The following CCDC63 variants were observed in gnomAD, a reference collection of about 807,000 sequenced individuals.
CCDC63 encodes coiled-coil domain-containing protein 63.
CCDC63 carries 54 observed loss-of-function variants against 63.6 expected under a neutral mutation model. The ratio of observed to expected loss-of-function variants is 0.85; its 90% confidence interval spans 0.68 to 1.07. CCDC63 has a LOEUF of 1.07. Among genes scored for constraint, CCDC63 ranks in the 50% least tolerant of loss-of-function variants. CCDC63 has a pLI of 0.00. For synonymous variants in CCDC63, 253 were observed against 266.1 expected (o/e 0.95, Z 0.48); for missense variants, 637 against 689.6 (o/e 0.92, Z 0.86).
chr12:110,884,003 C>A, intron 7 of CCDC63, 27 bp from the exon 8 acceptor site: 1 of 1,578,628 alleles, frequency 6.3e-7, no homozygotes, highest in South Asian at 1.1e-5. Flanking sequence ...TTTTGAGTGT[C>A]ACAGTGGCTG....
chr12:110,900,782 T>A (rs1157886220), intron 10 of CCDC63, among the ~76,000 whole-genome samples: 1 of 152,122 alleles, frequency 6.6e-6, no homozygotes, highest in Non-Finnish European at 1.5e-5. Context: ...GTATTTTTAG[T>A]AGAGATGGGG....
chr12:110,860,823 A>G (rs987484251), intron 4 of CCDC63, among the ~76,000 whole-genome samples: 1 of 152,186 alleles, frequency 6.6e-6, no homozygotes, highest in Non-Finnish European at 1.5e-5. Context: ...TCCTGACCTC[A>G]GGTGATCCAC....
rs754644873 is a variant in CCDC63 at position 110,879,919 on chromosome 12, T to C, written c.503T>C (p.Phe168Ser). 3.1e-6 allele frequency: 5 copies of C among 1,614,146 alleles called. No individual in the cohort carries two copies. The South Asian group carries it at 4.4e-5, about 14-fold the overall frequency. The change falls in exon 6 of 12, where the codon TTT becomes TCT. Residue 168 changes from phenylalanine (F) to serine (S), a missense_variant. By Grantham distance (155) the Phe-to-Ser change is radical. Coordinates refer to ENST00000308208, the MANE Select transcript of CCDC63 (RefSeq NM_152591.3). ...ETRLNLVTVH[F>S]DKMLTTNAKL... ...CCCTTTCAACAGGTCACTGTTCACTTTGACAAGATGCTGACCACTAATGCC... is the reference window on the plus strand; with the variant it reads ...CCCTTTCAACAGGTCACTGTTCACTCTGACAAGATGCTGACCACTAATGCC...
intron 10 of CCDC63, among the ~76,000 whole-genome samples, chr12:110,900,590 A>G (rs1592789243): frequency 6.7e-6 from 1 of 148,418 alleles, no homozygotes; most frequent in Non-Finnish European, 1.5e-5. Context: ...CTTGAATTAA[A>G]CCTCAGATTC....
At chr12:110,859,586 G>A (rs539001588) in intron 4 of CCDC63, among the ~76,000 whole-genome samples, 18 of 152,096 alleles carry the variant, frequency 1.2e-4, no homozygotes, top group African/African-American at 3.4e-4. Flanking sequence ...GATTACGGGC[G>A]TGAGCCACCG....
At chr12:110,894,685 TG>T (rs1488629340) in intron 9 of CCDC63, among the ~76,000 whole-genome samples, 1 of 152,184 alleles carries the variant, frequency 6.6e-6, no homozygotes, top group Non-Finnish European at 1.5e-5. Context: ...GGCAGATGCC[TG>T]GGGCCCACGT....
intron 10 of CCDC63, among the ~76,000 whole-genome samples, chr12:110,899,907 A>G (rs2071465419): frequency 6.6e-6 from 1 of 152,058 alleles, no homozygotes; most frequent in African/African-American, 2.4e-5. Flanking sequence ...GATAAAAGAC[A>G]TCTACAAAAA....
At chr12:110,886,548 G>A (rs73421357) in intron 8 of CCDC63, among the ~76,000 whole-genome samples, 3,897 of 152,286 alleles carry the variant, frequency 0.026, 147 homozygotes, top group African/African-American at 0.087. Flanking sequence ...GGTCAGGGGA[G>A]GGAGGAATGA....
At chr12:110,897,320 G>A (rs1474927790) in intron 9 of CCDC63, among the ~76,000 whole-genome samples, 1 of 151,598 alleles carries the variant, frequency 6.6e-6, no homozygotes, top group Non-Finnish European at 1.5e-5. Flanking sequence ...TGGCATGGTG[G>A]CTCACACCTG....
In CCDC63 at chr12:110,881,270, T is replaced by C. The variant is rs772939506; in HGVS notation, c.827T>C (p.Phe276Ser). 6 of 1,613,638 alleles carry C rather than the reference T, an allele frequency of 3.7e-6. No individual in the cohort carries two copies. Among genetic ancestry groups the C allele is most frequent in the Non-Finnish European group, 4.2e-6 (5 of 1,179,794 alleles). The change falls in exon 7 of 12, where the codon TTC becomes TCC. Residue 276 changes from phenylalanine to serine, a missense_variant. Transcript: ENST00000308208. Reference sequence around the variant, plus strand: ...GTCAAGCTGAATGATCGCAATGAATTCGAGGAGCAGGCCAAAAGGGAGGAA... The same window carrying C: ...GTCAAGCTGAATGATCGCAATGAATCCGAGGAGCAGGCCAAAAGGGAGGAA... ...LLVKLNDRNEFEEQAKREEAL... is the reference protein window; with the variant it reads ...LLVKLNDRNESEEQAKREEAL...
intron 3 of CCDC63, among the ~76,000 whole-genome samples, chr12:110,856,835 C>T (rs1248850225): frequency 7.0e-6 from 1 of 143,662 alleles, no homozygotes; most frequent in African/African-American, 2.5e-5. Flanking sequence ...GGACATTTTC[C>T]TTTCCTTTCT....
intron 8 of CCDC63, among the ~76,000 whole-genome samples, chr12:110,890,773 CTTTTTTTTTTTTTTT>C (rs769120162): frequency 1.0e-5 from 1 of 98,400 alleles, no homozygotes; most frequent in African/African-American, 4.1e-5. Flanking sequence ...TCCTCCTTTT[CTTTTTTTTTTTTTTT>C]TTTTTTTGAG....
rs1224085939 is a variant in CCDC63 at position 110,872,471 on chromosome 12, T to C, written c.370-1371T>C. Among the ~76,000 whole-genome samples, 7 of 150,340 alleles carry C rather than the reference T, an allele frequency of 4.7e-5. No homozygotes were observed. In the East Asian group the frequency reaches 1.4e-3, roughly 29 times the overall value. On this transcript the variant is annotated intron_variant, in intron 4 of 11. Transcript: ENST00000308208. ...CATGATTCAGGCTGTGCTGGTGACG[T>C]GATTTTCAGAATGGTGACCAACTCT...
chr12:110,903,261 C>G (rs1452907234), intron 10 of CCDC63, among the ~76,000 whole-genome samples: 1 of 152,174 alleles, frequency 6.6e-6, no homozygotes, highest in Non-Finnish European at 1.5e-5. Context: ...CCTCAGCCTC[C>G]CAAAGTGCTG....
intron 4 of CCDC63, among the ~76,000 whole-genome samples, chr12:110,871,887 T>G (rs1797129407): frequency 6.6e-6 from 1 of 152,188 alleles, no homozygotes; most frequent in African/African-American, 2.4e-5. Context: ...GATATGCACT[T>G]TATAACTGGC....
chr12:110,887,442 G>A (rs1160023296), intron 8 of CCDC63, among the ~76,000 whole-genome samples: 1 of 151,712 alleles, frequency 6.6e-6, no homozygotes, highest in Non-Finnish European at 1.5e-5. Context: ...TGCTCTGCAA[G>A]CTCTATTCTT....
chr12:110,857,270 C>T (rs939237964), intron 3 of CCDC63, among the ~76,000 whole-genome samples: 3 of 151,774 alleles, frequency 2.0e-5, no homozygotes, highest in Admixed American at 1.3e-4. Flanking sequence ...GGATTACAGG[C>T]GCCCACCACC....
chr12:110,898,792 G>T, intron 9 of CCDC63, 141 bp from the exon 10 acceptor site: 1 of 503,854 alleles, frequency 2.0e-6, no homozygotes, highest in Non-Finnish European at 3.5e-6. Flanking sequence ...TTTAAAATTT[G>T]ATGGGAACCC....
chr12:110,884,288 G>A, intron 8 of CCDC63, 38 bp downstream of exon 8: 4 of 1,548,944 alleles, frequency 2.6e-6, no homozygotes, highest in Non-Finnish European at 3.6e-6. Flanking sequence ...CTGGGCCCCT[G>A]TGTCCACAGC....
Sources: allele counts gnomAD v4.1 joint callset (sites outside exome capture counted in the v4.1 genomes callset), GRCh38; gene constraint gnomAD v4.1.1; transcripts MANE v1.5; gene names NCBI Gene and HGNC (gene_info 2026-07-23, HGNC 2026-07-21).